LRFN2: variants seen among roughly 807,000 people sequenced by gnomAD.
LRFN2 encodes leucine-rich repeat and fibronectin type-III domain-containing protein 2.
A neutral mutation model predicts 37.3 loss-of-function variants in LRFN2; 18 were observed. The observed-to-expected ratio is 0.48, with a 90% CI of 0.33 to 0.72. The LOEUF is 0.72. LRFN2 is among the 30% of genes least tolerant of loss of function. LRFN2 has a pLI of 0.02. For missense variants in LRFN2, 1,006 were observed against 1,060.7 expected, an observed-to-expected ratio of 0.95 and a Z score of 0.72; for synonymous variants, 556 against 466.6, an observed-to-expected ratio of 1.19 and a Z score of -2.47.
At chr6:40,467,072 G>A (rs1031390549) in intron 1 of LRFN2, among the ~76,000 whole-genome samples, 6 of 152,038 alleles carry the variant, frequency 3.9e-5, no homozygotes, top group Non-Finnish European at 8.8e-5. Flanking sequence ...CTAGAATGGT[G>A]AGAAAATAAA....
At chr6:40,459,571 T>C (rs148751765) in intron 1 of LRFN2, among the ~76,000 whole-genome samples, 1 of 152,212 alleles carries the variant, frequency 6.6e-6, no homozygotes, top group Non-Finnish European at 1.5e-5. Flanking sequence ...CTCTCATCTC[T>C]GCAGGGCCTA....
chr6:40,491,111 G>T (rs1765083584), intron 1 of LRFN2, among the ~76,000 whole-genome samples: 1 of 152,126 alleles, frequency 6.6e-6, no homozygotes, highest in East Asian at 1.9e-4. Flanking sequence ...GAGAGCTTTG[G>T]CTTTTACTCT....
intron 1 of LRFN2, among the ~76,000 whole-genome samples, chr6:40,455,005 C>T (rs1212033241): frequency 1.1e-4 from 17 of 152,166 alleles, no homozygotes; most frequent in Admixed American, 1.3e-4. Context: ...AACTGGGAAT[C>T]TAGGACATAA....
rs895290433 is a variant in LRFN2, at chr6:40,433,628, C to T, written c.-18-497G>A. On this transcript the variant is annotated intron_variant, in intron 1 of 2. Transcript: ENST00000338305. ...GGCTGTTTTTTGAGGCATAATTTTA[C>T]ATTCTTAATTGGTTTAGGCTTAGCA... Among the ~76,000 whole-genome samples the T allele has an allele frequency of 4.7e-4, 71 of 152,182 alleles. 1 individual carries two copies. Among genetic ancestry groups the T allele is most frequent in the Admixed American group, 4.6e-3 (71 of 15,280 alleles).
chr6:40,397,151 C>A (rs1488457263), intron 2 of LRFN2, among the ~76,000 whole-genome samples: 1 of 152,182 alleles, frequency 6.6e-6, no homozygotes, highest in African/African-American at 2.4e-5. Flanking sequence ...ATATAGAATT[C>A]ATCTCTGACC....
chr6:40,421,664 CA>C (rs1763231977), intron 2 of LRFN2, among the ~76,000 whole-genome samples: 1 of 151,998 alleles, frequency 6.6e-6, no homozygotes, highest in Non-Finnish European at 1.5e-5. Flanking sequence ...TCAGTAATTC[CA>C]AAAGAGAGGA....
chr6:40,580,052 A>T (rs1185080448), intron 1 of LRFN2, among the ~76,000 whole-genome samples: 1 of 152,160 alleles, frequency 6.6e-6, no homozygotes, highest in Non-Finnish European at 1.5e-5. Context: ...TAGCCTCAAG[A>T]GGTGAGGTGG....
intron 2 of LRFN2, among the ~76,000 whole-genome samples, chr6:40,406,549 C>T (rs2436760): frequency 0.89 from 135,188 of 152,156 alleles, 61,319 homozygotes; most frequent in South Asian, 0.99. Context: ...GAGAGCCCCC[C>T]TGCTCATCAG....
chr6:40,462,993 C>T lies in LRFN2; in HGVS notation c.-18-29862G>A, dbSNP rs563596881. ...GAAGTGTAAGTGGTAAAGGTATAGACAACTTCTAGGAAGTGTCCTTAAAGG... is the reference window on the plus strand; with the variant it reads ...GAAGTGTAAGTGGTAAAGGTATAGATAACTTCTAGGAAGTGTCCTTAAAGG... On this transcript the variant is annotated intron_variant, in intron 1 of 2. Coordinates refer to ENST00000338305, the MANE Select transcript of LRFN2 (RefSeq NM_020737.3). Among the ~76,000 whole-genome samples the T allele has an allele frequency of 2.0e-5, 3 of 152,340 alleles. No homozygotes were observed. The South Asian group carries it at 6.2e-4, about 32-fold the overall frequency.
intron 2 of LRFN2, among the ~76,000 whole-genome samples, chr6:40,421,998 G>A (rs1314911285): frequency 6.6e-6 from 1 of 152,114 alleles, no homozygotes; most frequent in African/African-American, 2.4e-5. Flanking sequence ...GTAAAGAGAA[G>A]GGAGATCTCA....
chr6:40,581,289 C>T (rs749201477), intron 1 of LRFN2, among the ~76,000 whole-genome samples: 21 of 152,136 alleles, frequency 1.4e-4, no homozygotes, highest in Non-Finnish European at 2.5e-4. Context: ...ATCATGGACT[C>T]GTAAATCAAA....
At chr6:40,563,321 G>A (rs567370640) in intron 1 of LRFN2, among the ~76,000 whole-genome samples, 6 of 152,126 alleles carry the variant, frequency 3.9e-5, no homozygotes, top group Admixed American at 6.5e-5. Flanking sequence ...GACAGCTGCC[G>A]GGCCAATGAG....
At chr6:40,558,630 G>A (rs1452019018) in intron 1 of LRFN2, among the ~76,000 whole-genome samples, 2 of 152,156 alleles carry the variant, frequency 1.3e-5, no homozygotes, top group Non-Finnish European at 2.9e-5. Flanking sequence ...GCCCAGTGGG[G>A]GAAGGCGAGG....
chr6:40,446,500 G>A (rs903973677), intron 1 of LRFN2, among the ~76,000 whole-genome samples: 1 of 152,148 alleles, frequency 6.6e-6, no homozygotes, highest in Non-Finnish European at 1.5e-5. Context: ...CACTGCCAAT[G>A]GCCTTGCTGA....
intron 1 of LRFN2, among the ~76,000 whole-genome samples, chr6:40,438,278 C>T (rs543121139): frequency 1.3e-5 from 2 of 152,302 alleles, no homozygotes; most frequent in African/African-American, 4.8e-5. Flanking sequence ...AGTATCTCCT[C>T]CCTTCCTTGA....
Position 40,433,002 on chromosome 6 carries a change from A to C in LRFN2, c.112T>G (p.Cys38Gly). The change falls in exon 2 of 3, where the codon TGC becomes GGC. Residue 38 changes from cysteine (C) to glycine (G), a missense_variant. By Grantham distance (159) the Cys-to-Gly change is radical. Around this residue, in one of 4 missense-constraint regions of LRFN2, gnomAD observed 185 missense variants for 254.9 expected, o/e 0.73. Coordinates refer to ENST00000338305, the MANE Select transcript of LRFN2 (RefSeq NM_020737.3). ...QNLSESLGTL[C>G]PSKGLLFVPP... ...ACAAAGAGCAGCCCCTTGGAGGGGC[A>C]CAGGGTCCCCAGTGACTCAGACAGA... 6.2e-7 allele frequency: 1 copy of C among 1,609,806 alleles called. No individual in the cohort carries two copies. Among genetic ancestry groups the C allele is most frequent in the East Asian group, 2.2e-5 (1 of 44,832 alleles).
At chr6:40,559,241 G>A (rs926632787) in intron 1 of LRFN2, among the ~76,000 whole-genome samples, 1 of 152,188 alleles carries the variant, frequency 6.6e-6, no homozygotes, top group African/African-American at 2.4e-5. Context: ...CTCCTGGGAA[G>A]AGCCCGGCAG....
At chr6:40,585,231 C>T (rs751056085) in intron 1 of LRFN2, among the ~76,000 whole-genome samples, 7 of 152,174 alleles carry the variant, frequency 4.6e-5, no homozygotes, top group Non-Finnish European at 1.0e-4. Context: ...TAAATAATTA[C>T]ATTCCTGGTC....
intron 2 of LRFN2, among the ~76,000 whole-genome samples, chr6:40,418,624 A>G (rs1763148523): frequency 6.6e-6 from 1 of 152,164 alleles, no homozygotes; most frequent in African/African-American, 2.4e-5. Flanking sequence ...GCTTCTCATC[A>G]GCAACAGGAG....
Sources: gnomAD v4.1 joint callset for allele counts (sites outside exome capture counted in the v4.1 genomes callset) on GRCh38, gnomAD v4.1.1 for gene constraint, gnomAD v4.1.1 regional missense constraint, MANE v1.5 for transcripts, NCBI Gene and HGNC (gene_info 2026-07-23, HGNC 2026-07-21) for gene names.